UACA: variants seen among roughly 807,000 people sequenced by gnomAD.
UACA encodes the protein nuclear membrane binding protein.
In UACA, 112 loss-of-function variants were observed where a neutral mutation model predicts 160.5. The ratio of observed to expected loss-of-function variants is 0.70; its 90% CI spans 0.60 to 0.82. UACA has a LOEUF of 0.82. Ranked by LOEUF, UACA falls within the 40% of genes least tolerant of loss-of-function variation. The pLI is 0.00. For missense variants in UACA, 1,574 were observed against 1,614.6 expected (o/e 0.97, Z 0.43); for synonymous variants, 557 against 568.4 (o/e 0.98, Z 0.29).
chr15:70,778,216 T>A, the UACA span, among the ~76,000 whole-genome samples: 4,300 of 150,702 alleles, frequency 0.029, 195 homozygotes, highest in African/African-American at 0.098. Context: ...AAAAAAAAAA[T>A]ATTGAGAACA....
At chr15:70,707,397 A>C (rs977912402) in intron 1 of UACA, among the ~76,000 whole-genome samples, 1 of 152,204 alleles carries the variant, frequency 6.6e-6, no homozygotes, top group African/African-American at 2.4e-5. Flanking sequence ...TGACACCAAA[A>C]GCTCAGCTAC....
chr15:70,716,778 T>C lies in UACA; in HGVS notation c.79-17118A>G, dbSNP rs376238829. Among the ~76,000 whole-genome samples the C allele has an allele frequency of 3.2e-4, 49 of 152,318 alleles. 1 individual carries two copies. The South Asian group carries it at 9.3e-3, about 29-fold the overall frequency. ...AAGTATTTTTCCTCTTTCCCAAAGA[T>C]ATGCAAGTATTCATTTAAAACCTAA... On this transcript the variant is annotated intron_variant, in intron 1 of 18. Coordinates refer to ENST00000322954, the MANE Select transcript of UACA (RefSeq NM_018003.4).
chr15:70,687,636 G>T lies in UACA; in HGVS notation c.506C>A (p.Thr169Lys). The T allele has an allele frequency of 6.2e-7, 1 of 1,613,900 alleles. No individual in the cohort carries two copies. Among genetic ancestry groups the T allele is most frequent in the South Asian group, 1.1e-5 (1 of 91,064 alleles). Residue 169 changes from threonine (T) to lysine (K), a missense_variant, in exon 7 of 19, where the codon ACA becomes AAA. Thr to Lys is a moderately conservative substitution (Grantham distance 78). Transcript: ENST00000322954. ...CATCTGAGTAGCCAGAACAAGTGGT[G>T]TCCGCCCGTCCTAAGCAACAGGAAA... is the stretch of plus-strand genomic sequence containing the variant. ...SVNAKDVDGRTPLVLATQMSR... is the reference protein window; with the variant it reads ...SVNAKDVDGRKPLVLATQMSR...
At chr15:70,715,189 A>C (rs944605842) in intron 1 of UACA, among the ~76,000 whole-genome samples, 1 of 152,216 alleles carries the variant, frequency 6.6e-6, no homozygotes, top group Non-Finnish European at 1.5e-5. Flanking sequence ...CTAAAAACCA[A>C]GGAGGGTCAC....
At chr15:70,696,581 C>G (rs1023134360) in intron 2 of UACA, among the ~76,000 whole-genome samples, 1 of 152,028 alleles carries the variant, frequency 6.6e-6, no homozygotes, top group African/African-American at 2.4e-5. Context: ...GTGTACAATC[C>G]GAATTAGAAA....
chr15:70,760,551 G>T (rs2030685419), intron 1 of UACA, among the ~76,000 whole-genome samples: 1 of 152,188 alleles, frequency 6.6e-6, no homozygotes, highest in African/African-American at 2.4e-5. Context: ...GCTCACGCCT[G>T]TAATCCCAGC....
At chr15:70,755,891 T>C (rs1486683077) in intron 1 of UACA, among the ~76,000 whole-genome samples, 2 of 152,142 alleles carry the variant, frequency 1.3e-5, no homozygotes, top group African/African-American at 4.8e-5. Flanking sequence ...GCTCTTCTTT[T>C]GCTTGGAAAG....
intron 1 of UACA, among the ~76,000 whole-genome samples, chr15:70,736,421 C>T (rs1899367776): frequency 6.6e-6 from 1 of 152,026 alleles, no homozygotes; most frequent in Admixed American, 6.6e-5. Flanking sequence ...TAATAGAATG[C>T]TTAAGTATTC....
Position 70,763,556 on chromosome 15 carries a change from G to C in UACA, c.-149C>G, listed in dbSNP as rs1455626313. On this transcript the variant is annotated 5_prime_UTR_variant, in exon 1 of 19. Transcript: ENST00000322954. Reference sequence around the variant, plus strand: ...CTGCGGGCCCCGGGCAGCAGACGTCGACAGGCCTGAGGCGGGGCTCCCCTC... The same window carrying C: ...CTGCGGGCCCCGGGCAGCAGACGTCCACAGGCCTGAGGCGGGGCTCCCCTC... The C allele has an allele frequency of 8.1e-6, 10 of 1,240,052 alleles. No homozygotes were observed. The East Asian group carries it at 1.3e-4, about 16-fold the overall frequency. 76.8% of individuals were successfully genotyped at this position (1,240,052 alleles called of 1,614,324 possible). A position where few individuals can be genotyped will look rare whatever the true frequency, so the allele number is the denominator to read the frequency against.
intron 2 of UACA, among the ~76,000 whole-genome samples, chr15:70,699,018 T>C (rs1471238161): frequency 6.6e-6 from 1 of 152,182 alleles, no homozygotes; most frequent in African/African-American, 2.4e-5. Flanking sequence ...CCTGCCTCCT[T>C]TCTGCTCTAA....
the UACA span, among the ~76,000 whole-genome samples, chr15:70,776,722 C>A: frequency 1.3e-5 from 2 of 152,166 alleles, no homozygotes; most frequent in Non-Finnish European, 2.9e-5. Flanking sequence ...AGCCACCATA[C>A]CTGGCCTAAA....
At chr15:70,688,586 T>C (rs1897814698) in intron 5 of UACA, among the ~76,000 whole-genome samples, 1 of 152,144 alleles carries the variant, frequency 6.6e-6, no homozygotes, top group African/African-American at 2.4e-5. Context: ...ATAAAATGTA[T>C]CATCAGCTTT....
intron 13 of UACA, among the ~76,000 whole-genome samples, chr15:70,672,852 C>T (rs557431930): frequency 2.0e-5 from 3 of 151,898 alleles, no homozygotes; most frequent in Non-Finnish European, 2.9e-5. Flanking sequence ...CCCAGCACTT[C>T]GGGAGGCTGA....
chr15:70,751,810 T>A (rs1193233343), intron 1 of UACA, among the ~76,000 whole-genome samples: 1 of 152,222 alleles, frequency 6.6e-6, no homozygotes, highest in East Asian at 1.9e-4. Context: ...CACTTCATTT[T>A]CCTTGTTTAC....
At chr15:70,701,951 T>G in intron 1 of UACA, 1 of 1,609,146 alleles carries the variant, frequency 6.2e-7, no homozygotes, top group South Asian at 1.1e-5. Context: ...AATGGCAAAC[T>G]ACTTTGCATT....
At chr15:70,758,493 T>C (rs1223211773) in intron 1 of UACA, 1 of 152,182 alleles carries the variant, frequency 6.6e-6, no homozygotes, top group African/African-American at 2.4e-5. Context: ...AAAGTCGCTG[T>C]TATGAGAATA....
intron 17 of UACA, among the ~76,000 whole-genome samples, chr15:70,662,123 G>A (rs1219330231): frequency 2.0e-5 from 3 of 152,172 alleles, no homozygotes; most frequent in Non-Finnish European, 4.4e-5. Flanking sequence ...CATCATCTCA[G>A]CCCAAAATCT....
chr15:70,723,008 T>C (rs1225468029), intron 1 of UACA, among the ~76,000 whole-genome samples: 1 of 152,228 alleles, frequency 6.6e-6, no homozygotes, highest in Admixed American at 6.5e-5. Flanking sequence ...AACAGGGATT[T>C]GACATCAGAA....
At position 70,691,314 on chromosome 15, in the gene UACA, T is replaced by C; in HGVS notation, c.351A>G (p.Leu117=). 6 of 1,605,770 alleles carry C rather than the reference T, an allele frequency of 3.7e-6. No individual in the cohort carries two copies. Among genetic ancestry groups the C allele is most frequent in the Admixed American group, 1.7e-5 (1 of 59,162 alleles). ...CTTCCACTACCTGTAGAAGTTTTTG[T>C]AGGCACAATGCATGTCCATACTTAG... is the stretch of plus-strand genomic sequence containing the variant. ...LAAKYGHALC[L]QKLLQYNCPT... The change falls in exon 4 of 19, where the codon CTA becomes CTG. Residue 117 remains leucine, a synonymous_variant. Transcript: ENST00000322954.
Sources: allele counts gnomAD v4.1 joint callset (sites outside exome capture counted in the v4.1 genomes callset), GRCh38; gene constraint gnomAD v4.1.1; transcripts MANE v1.5; gene names NCBI Gene and HGNC (gene_info 2026-07-23, HGNC 2026-07-21).